ADAM10: variants seen among roughly 807,000 people sequenced by gnomAD.
ADAM10 encodes the protein disintegrin and metalloproteinase domain-containing protein 10.
A neutral mutation model predicts 90.1 loss-of-function variants in ADAM10; 17 were observed. That is an observed-to-expected ratio of 0.19 (90% CI 0.13 to 0.28). The LOEUF (loss-of-function observed/expected upper bound fraction) is 0.28. Among genes scored for constraint, ADAM10 ranks in the 10% least tolerant of loss-of-function variants. ADAM10 has a pLI of 1.00. For synonymous variants in ADAM10, 310 were observed against 298.6 expected, an observed-to-expected ratio of 1.04 and a Z score of -0.40; for missense variants, 610 against 914.3, an observed-to-expected ratio of 0.67 and a Z score of 4.29.
intron 1 of ADAM10, among the ~76,000 whole-genome samples, chr15:58,740,596 G>A (rs1289548436): frequency 6.6e-6 from 1 of 151,930 alleles, no homozygotes; most frequent in Non-Finnish European, 1.5e-5. Flanking sequence ...ATAGAAACAG[G>A]GTCTTGCTAT....
chr15:58,679,537 A>T (rs1196807441), intron 3 of ADAM10, among the ~76,000 whole-genome samples: 8 of 152,214 alleles, frequency 5.3e-5, no homozygotes, highest in Admixed American at 3.9e-4. Flanking sequence ...TGAAAAATAG[A>T]GTATCTGCCT....
At position 58,675,669 on chromosome 15, in the gene ADAM10, T is replaced by C. The variant is rs8034660; in HGVS notation, c.484+3455A>G. On this transcript the variant is annotated intron_variant, in intron 4 of 15. Coordinates refer to ENST00000260408, the MANE Select transcript of ADAM10 (RefSeq NM_001110.4). Reference sequence around the variant, plus strand: ...TGATAACAATATATATTTATCACTATCACATCTAGAGAAATTATTAAGTAT... The same window carrying C: ...TGATAACAATATATATTTATCACTACCACATCTAGAGAAATTATTAAGTAT... 3.5e-3 allele frequency among the ~76,000 whole-genome samples: 535 copies of C among 152,332 alleles called. 5 individuals carry two copies. Among genetic ancestry groups the C allele is most frequent in the African/African-American group, 0.012 (514 of 41,564 alleles).
At chr15:58,686,282 T>C in intron 2 of ADAM10, 6 of 587,072 alleles carry the variant, frequency 1.0e-5, no homozygotes, top group Non-Finnish European at 1.8e-5. Flanking sequence ...TGTTGTCATT[T>C]AATAGAGAAC....
chr15:58,743,373 T>C (rs1203217166), intron 1 of ADAM10, among the ~76,000 whole-genome samples: 7 of 152,182 alleles, frequency 4.6e-5, no homozygotes, highest in African/African-American at 1.2e-4. Flanking sequence ...GTACTCCACA[T>C]AGACCATATT....
chr15:58,692,955 T>C, intron 2 of ADAM10: 1 of 728,902 alleles, frequency 1.4e-6, no homozygotes, highest in Non-Finnish European at 2.6e-6. Flanking sequence ...TCAGGATGCA[T>C]TCCCGAGGGT....
At chr15:58,630,737 A>C (rs569110894) in intron 9 of ADAM10, among the ~76,000 whole-genome samples, 1 of 152,230 alleles carries the variant, frequency 6.6e-6, no homozygotes. Flanking sequence ...CTACAAACGT[A>C]TAAGAGAGAA....
chr15:58,599,984 CTT>C (rs766342201), intron 14 of ADAM10, among the ~76,000 whole-genome samples: 14 of 152,164 alleles, frequency 9.2e-5, no homozygotes, highest in Admixed American at 3.9e-4. Flanking sequence ...TTTTTAGTCT[CTT>C]TACATATAAC....
At chr15:58,610,053 T>G (rs1228693880) in intron 14 of ADAM10, 1 of 514,286 alleles carries the variant, frequency 1.9e-6, no homozygotes, top group African/African-American at 2.0e-5. Flanking sequence ...GGAGATGAAC[T>G]AAGGAGCACG....
chr15:58,608,483 T>A (rs1895340933), intron 14 of ADAM10, among the ~76,000 whole-genome samples: 1 of 152,204 alleles, frequency 6.6e-6, no homozygotes, highest in African/African-American at 2.4e-5. Flanking sequence ...TGCCCACAAA[T>A]GCACCAACAG....
chr15:58,650,772 T>C (rs1188875653), intron 5 of ADAM10, among the ~76,000 whole-genome samples: 1 of 152,184 alleles, frequency 6.6e-6, no homozygotes, highest in Non-Finnish European at 1.5e-5. Context: ...GAAATATACA[T>C]ACACATATAT....
intron 5 of ADAM10, among the ~76,000 whole-genome samples, chr15:58,647,098 A>ACATTTATT (rs1896565402): frequency 1.3e-5 from 2 of 152,022 alleles, no homozygotes; most frequent in Admixed American, 6.5e-5. Flanking sequence ...GTGCAACCTT[A>ACATTTATT]CATTTATTTG....
chr15:58,663,229 GC>G (rs768964123), intron 5 of ADAM10, among the ~76,000 whole-genome samples: 6 of 152,126 alleles, frequency 3.9e-5, no homozygotes, highest in Non-Finnish European at 7.4e-5. Flanking sequence ...TTCATTTACA[GC>G]CTGGACTTTA....
intron 5 of ADAM10, among the ~76,000 whole-genome samples, chr15:58,646,891 C>T (rs528843250): frequency 3.3e-5 from 5 of 152,198 alleles, no homozygotes; most frequent in Non-Finnish European, 7.3e-5. Context: ...CATTAGCCAA[C>T]TCTAGCTGTC....
intron 5 of ADAM10, among the ~76,000 whole-genome samples, chr15:58,651,552 C>T (rs1896687818): frequency 6.6e-6 from 1 of 152,178 alleles, no homozygotes; most frequent in South Asian, 2.1e-4. Context: ...AACATAATGA[C>T]CTCCAGTTCC....
intron 12 of ADAM10, 50 bp from the exon 13 acceptor site, chr15:58,611,157 T>A: frequency 7.4e-7 from 1 of 1,346,616 alleles, no homozygotes; most frequent in African/African-American, 1.4e-5. Context: ...CAGTCAAACC[T>A]ATTTTTTATA....
chr15:58,727,451 A>G lies in ADAM10; in HGVS notation c.56-9724T>C, dbSNP rs1033761868. Among the ~76,000 whole-genome samples the G allele has an allele frequency of 9.9e-5, 15 of 152,150 alleles. No homozygotes were observed. The South Asian group carries it at 3.1e-3, about 32-fold the overall frequency. ...AGTGATCTAACCACCTCGGCCTCCC[A>G]AAGTGCTGGGATTACAGGTGTGAGC... On this transcript the variant is annotated intron_variant, in intron 1 of 15. Coordinates refer to ENST00000260408, the MANE Select transcript of ADAM10 (RefSeq NM_001110.4).
In ADAM10 at chr15:58,665,200, A is replaced by G. The variant is rs1897052234; in HGVS notation, c.485-3T>C. On this transcript the variant is annotated splice_region_variant and splice_polypyrimidine_tract_variant and intron_variant, in intron 4 of 15. Transcript: ENST00000260408. ...AGGACCGTATTTATGGGGATAGTCT[A>G]AAATACAAAGAAGAAACGTCATTAC... 6.3e-7 allele frequency: 1 copy of G among 1,595,040 alleles called. No homozygotes were observed. Among genetic ancestry groups the G allele is most frequent in the African/African-American group, 1.3e-5 (1 of 74,498 alleles).
intron 9 of ADAM10, chr15:58,629,610 CTAACTA>C (rs1896044391): frequency 1.3e-5 from 2 of 152,090 alleles, no homozygotes; most frequent in East Asian, 1.9e-4. Flanking sequence ...AAAAATTTGT[CTAACTA>C]TAAGAAAGAA....
chr15:58,660,500 T>C (rs1373608320), intron 5 of ADAM10, among the ~76,000 whole-genome samples: 2 of 152,176 alleles, frequency 1.3e-5, no homozygotes, highest in Non-Finnish European at 1.5e-5. Context: ...TTAAAAAAAA[T>C]TGAGACAGGG....
Sources: allele counts gnomAD v4.1 joint callset (sites outside exome capture counted in the v4.1 genomes callset), GRCh38; gene constraint gnomAD v4.1.1; transcripts MANE v1.5; gene names NCBI Gene and HGNC (gene_info 2026-07-23, HGNC 2026-07-21).